Variants in NR6A1 observed in about 807,000 individuals in gnomAD.
NR6A1 encodes nuclear receptor subfamily 6 group A member 1.
In NR6A1, 7 loss-of-function variants were observed where a neutral mutation model predicts 59.1. The ratio of observed to expected loss-of-function variants is 0.12; its 90% CI spans 0.07 to 0.22. The LOEUF is 0.22. Among genes scored for constraint, NR6A1 ranks in the 10% least tolerant of loss-of-function variants. The pLI is 1.00. For missense variants in NR6A1, 468 were observed against 611.6 expected (o/e 0.77, Z 2.48); for synonymous variants, 243 against 236.1 (o/e 1.03, Z -0.27).
At position 124,562,060 on chromosome 9, in the gene NR6A1, G is replaced by C. The variant is rs150940347; in HGVS notation, c.143-7490C>G. Among the ~76,000 whole-genome samples, 466 of 152,356 alleles carry C rather than the reference G, an allele frequency of 3.1e-3. 3 individuals are homozygous for C. Among genetic ancestry groups the C allele is most frequent in the African/African-American group, 0.011 (447 of 41,576 alleles). ...CAGTTAGACAACTGAAGGTGGAAGA[G>C]TGGGTATAGACAAAGAAACAATTGG... On this transcript the variant is annotated intron_variant, in intron 2 of 9. Coordinates refer to ENST00000487099, the MANE Select transcript of NR6A1 (RefSeq NM_033334.4).
At chr9:124,704,177 T>A (rs371400478) in intron 2 of NR6A1, among the ~76,000 whole-genome samples, 2 of 152,226 alleles carry the variant, frequency 1.3e-5, no homozygotes, top group Non-Finnish European at 2.9e-5. Context: ...TCATGGCAAA[T>A]CCCTTATAAT....
chr9:124,554,129 C>A (rs773745967), intron 3 of NR6A1, among the ~76,000 whole-genome samples, 199 bp downstream of exon 3: 1 of 152,164 alleles, frequency 6.6e-6, no homozygotes, highest in Admixed American at 6.5e-5. Context: ...TCATTCCCAC[C>A]TTAACATCTC....
intron 2 of NR6A1, among the ~76,000 whole-genome samples, chr9:124,670,992 CATT>C (rs1837778442): frequency 6.6e-6 from 1 of 152,142 alleles, no homozygotes; most frequent in African/African-American, 2.4e-5. Flanking sequence ...ATTTTGAGGA[CATT>C]ATGCTAAATG....
chr9:124,548,991 G>T (rs1167027988), intron 3 of NR6A1, among the ~76,000 whole-genome samples: 2 of 152,140 alleles, frequency 1.3e-5, no homozygotes, highest in African/African-American at 4.8e-5. Flanking sequence ...TTTGCTGAAG[G>T]ACCAACAGAA....
chr9:124,682,483 C>G (rs551954597), intron 2 of NR6A1, among the ~76,000 whole-genome samples: 2 of 152,126 alleles, frequency 1.3e-5, no homozygotes, highest in African/African-American at 4.8e-5. Context: ...TATGAGAATT[C>G]AGCTATCCTT....
At chr9:124,759,706 C>T (rs1421344701) in intron 1 of NR6A1, among the ~76,000 whole-genome samples, 1 of 152,184 alleles carries the variant, frequency 6.6e-6, no homozygotes, top group Non-Finnish European at 1.5e-5. Flanking sequence ...CGAAGATTGT[C>T]CCTGATTTGG....
chr9:124,683,535 T>C (rs1432617477), intron 2 of NR6A1, among the ~76,000 whole-genome samples: 4 of 152,246 alleles, frequency 2.6e-5, no homozygotes, highest in African/African-American at 7.2e-5. Flanking sequence ...GGCTCATGCC[T>C]GTAATCCCAG....
chr9:124,593,993 C>T (rs1191355176), intron 2 of NR6A1, among the ~76,000 whole-genome samples: 2 of 152,224 alleles, frequency 1.3e-5, no homozygotes, highest in African/African-American at 4.8e-5. Flanking sequence ...AGAGTTAACC[C>T]TCTGTGAACT....
At chr9:124,717,645 A>T (rs1051753519) in intron 2 of NR6A1, among the ~76,000 whole-genome samples, 1 of 152,232 alleles carries the variant, frequency 6.6e-6, no homozygotes, top group Non-Finnish European at 1.5e-5. Flanking sequence ...GTGGATTACT[A>T]GGGTGCACAC....
chr9:124,537,341 C>A (rs1162228432), intron 6 of NR6A1, among the ~76,000 whole-genome samples: 2 of 152,194 alleles, frequency 1.3e-5, no homozygotes, highest in Admixed American at 1.3e-4. Context: ...CCCACCTAGG[C>A]CTTCCAAAGT....
chr9:124,670,486 A>G (rs1421278861), intron 2 of NR6A1, among the ~76,000 whole-genome samples: 1 of 152,232 alleles, frequency 6.6e-6, no homozygotes, highest in African/African-American at 2.4e-5. Flanking sequence ...CTAAAAAGCT[A>G]GGAAATGAAA....
chr9:124,703,352 A>T (rs1279325849), intron 2 of NR6A1, among the ~76,000 whole-genome samples: 3 of 151,138 alleles, frequency 2.0e-5, no homozygotes, highest in African/African-American at 7.3e-5. Flanking sequence ...AGCAAGGACT[A>T]CAGGCACATG....
intron 1 of NR6A1, among the ~76,000 whole-genome samples, chr9:124,766,378 T>C (rs996120428): frequency 1.1e-4 from 17 of 152,254 alleles, no homozygotes; most frequent in Non-Finnish European, 2.1e-4. Flanking sequence ...GTTGGGTATA[T>C]CAGATCACTA....
intron 3 of NR6A1, among the ~76,000 whole-genome samples, chr9:124,553,761 T>C (rs1489522424): frequency 1.3e-5 from 2 of 151,972 alleles, no homozygotes; most frequent in Non-Finnish European, 2.9e-5. Context: ...CTAAAAACTT[T>C]CTAGGTGGTT....
At chr9:124,733,232 C>A in intron 2 of NR6A1, 76 bp downstream of exon 2, 1 of 1,073,086 alleles carries the variant, frequency 9.3e-7, no homozygotes, top group Non-Finnish European at 1.4e-6. Flanking sequence ...TCAATGACAC[C>A]TTAAGTTATT....
At chr9:124,654,610 C>T (rs941534686) in intron 2 of NR6A1, among the ~76,000 whole-genome samples, 3 of 152,222 alleles carry the variant, frequency 2.0e-5, no homozygotes, top group East Asian at 3.9e-4. Flanking sequence ...TGGCTCTCAG[C>T]TTGCATACTT....
intron 2 of NR6A1, among the ~76,000 whole-genome samples, chr9:124,690,532 C>CAGCCTATA (rs1445039408): frequency 1.3e-5 from 2 of 151,842 alleles, no homozygotes; most frequent in Non-Finnish European, 2.9e-5. Context: ...TGTTAAATGT[C>CAGCCTATA]AGCCTATAAT....
chr9:124,560,468 T>C (rs1203120560), intron 2 of NR6A1, among the ~76,000 whole-genome samples: 1 of 152,242 alleles, frequency 6.6e-6, no homozygotes, highest in Non-Finnish European at 1.5e-5. Context: ...AAAACAGTAT[T>C]AAACAGAACG....
intron 2 of NR6A1, chr9:124,693,668 G>A (rs748018676): frequency 1.9e-6 from 1 of 531,438 alleles, no homozygotes; most frequent in South Asian, 1.4e-5. Flanking sequence ...AGAGCCAGGA[G>A]TCAGCCAGGG....
Sources: allele counts gnomAD v4.1 joint callset (sites outside exome capture counted in the v4.1 genomes callset), GRCh38; gene constraint gnomAD v4.1.1; transcripts MANE v1.5; gene names NCBI Gene and HGNC (gene_info 2026-07-23, HGNC 2026-07-21).